The following KCTD16 variants were observed in gnomAD, a reference collection of about 807,000 sequenced individuals.
The protein encoded by KCTD16 is potassium channel tetramerization domain containing 16, also known as BTB/POZ domain-containing protein KCTD16.
KCTD16 carries 13 observed loss-of-function variants against 33.2 expected under a neutral mutation model. The ratio of observed to expected loss-of-function variants is 0.39; its 90% CI spans 0.25 to 0.62. The LOEUF (loss-of-function observed/expected upper bound fraction) is 0.62. Ranked by LOEUF, KCTD16 falls within the 20% of genes least tolerant of loss-of-function variation. The probability of loss-of-function intolerance (pLI) is 0.50; values close to 1 mark genes in which losing one functional copy is unlikely to be tolerated. For synonymous variants in KCTD16, 197 were observed against 195.3 expected (o/e 1.01, Z -0.07); for missense variants, 441 against 525.1 (o/e 0.84, Z 1.57).
intron 3 of KCTD16, among the ~76,000 whole-genome samples, chr5:144,303,493 A>G (rs1038760245): frequency 6.6e-6 from 1 of 152,202 alleles, no homozygotes; most frequent in African/African-American, 2.4e-5. Flanking sequence ...GTGTGGCAAG[A>G]GCAATGGAAA....
At chr5:144,226,748 T>G (rs1753943615) in intron 3 of KCTD16, among the ~76,000 whole-genome samples, 1 of 152,052 alleles carries the variant, frequency 6.6e-6, no homozygotes, top group Non-Finnish European at 1.5e-5. Context: ...AATTTTTGTA[T>G]TTTTAGTTGA....
chr5:144,318,884 G>A (rs1430594998), intron 3 of KCTD16, among the ~76,000 whole-genome samples: 3 of 152,022 alleles, frequency 2.0e-5, no homozygotes, highest in Non-Finnish European at 4.4e-5. Flanking sequence ...TAATTAAACT[G>A]GCATATAAAA....
chr5:144,335,363 G>T (rs1343006933), intron 3 of KCTD16, among the ~76,000 whole-genome samples: 1 of 152,222 alleles, frequency 6.6e-6, no homozygotes, highest in Non-Finnish European at 1.5e-5. Context: ...TAGCCAGGAT[G>T]GGTGGAGGAC....
intron 3 of KCTD16, among the ~76,000 whole-genome samples, chr5:144,238,293 A>G (rs2126819024): frequency 6.6e-6 from 1 of 152,268 alleles, no homozygotes; most frequent in Middle Eastern, 3.4e-3. Context: ...AAAATATTTC[A>G]GATAGGTTTC....
intron 3 of KCTD16, among the ~76,000 whole-genome samples, chr5:144,263,421 A>C (rs1360447272): frequency 2.6e-5 from 4 of 152,204 alleles, no homozygotes; most frequent in African/African-American, 9.7e-5. Context: ...ACCTCTGCTA[A>C]TCTTCCTTTT....
chr5:144,388,247 T>G (rs905407528), intron 3 of KCTD16, among the ~76,000 whole-genome samples: 8 of 150,788 alleles, frequency 5.3e-5, no homozygotes, highest in African/African-American at 1.9e-4. Context: ...GCCCAGCTAT[T>G]TTTTTTTGTA....
chr5:144,216,860 A>T (rs1354758979), intron 3 of KCTD16, among the ~76,000 whole-genome samples: 2 of 151,298 alleles, frequency 1.3e-5, no homozygotes, highest in Non-Finnish European at 3.0e-5. Flanking sequence ...AAAAAAAAAA[A>T]GAAAAAGAGA....
At chr5:144,273,052 G>A (rs1183403960) in intron 3 of KCTD16, among the ~76,000 whole-genome samples, 4 of 152,030 alleles carry the variant, frequency 2.6e-5, no homozygotes, top group African/African-American at 9.7e-5. Flanking sequence ...CAAGATAGGA[G>A]GAACTATTTA....
intron 3 of KCTD16, among the ~76,000 whole-genome samples, chr5:144,263,191 C>A (rs919932984): frequency 2.0e-5 from 3 of 152,180 alleles, no homozygotes; most frequent in African/African-American, 7.2e-5. Context: ...TTTTATAAGA[C>A]AATATTATTC....
chr5:144,261,265 C>T (rs1229910910), intron 3 of KCTD16, among the ~76,000 whole-genome samples: 1 of 149,358 alleles, frequency 6.7e-6, no homozygotes, highest in East Asian at 2.0e-4. Flanking sequence ...AAAGCTGGAA[C>T]TTTAGGAGAA....
intron 3 of KCTD16, among the ~76,000 whole-genome samples, chr5:144,382,548 T>C (rs993779281): frequency 3.9e-5 from 6 of 152,228 alleles, no homozygotes; most frequent in African/African-American, 4.8e-5. Context: ...CAGTATTGAA[T>C]GAATGAATAT....
At chr5:144,362,795 G>A (rs1263843515) in intron 3 of KCTD16, among the ~76,000 whole-genome samples, 1 of 152,230 alleles carries the variant, frequency 6.6e-6, no homozygotes, top group East Asian at 1.9e-4. Context: ...CCTGCCACTG[G>A]CTAGGGGTAT....
chr5:144,289,160 G>A (rs1755828685), intron 3 of KCTD16, among the ~76,000 whole-genome samples: 1 of 152,164 alleles, frequency 6.6e-6, no homozygotes, highest in Non-Finnish European at 1.5e-5. Context: ...AATTAAGGAT[G>A]ATAGTAAATT....
intron 3 of KCTD16, among the ~76,000 whole-genome samples, chr5:144,284,804 G>C (rs1409115633): frequency 6.6e-6 from 1 of 152,096 alleles, no homozygotes; most frequent in Non-Finnish European, 1.5e-5. Context: ...TTAAAGACAA[G>C]AATTTGGAAG....
chr5:144,213,360 C>T (rs1159626806), intron 3 of KCTD16, among the ~76,000 whole-genome samples: 2 of 150,370 alleles, frequency 1.3e-5, no homozygotes, highest in Non-Finnish European at 3.0e-5. Context: ...TCTCTTTTCC[C>T]TTCCCTTCCC....
intron 2 of KCTD16, among the ~76,000 whole-genome samples, chr5:144,198,662 C>T (rs543093250): frequency 2.0e-5 from 3 of 152,310 alleles, no homozygotes; most frequent in African/African-American, 7.2e-5. Flanking sequence ...ATGATGTGAT[C>T]TGTTTTGAAT....
At chr5:144,449,922 G>A (rs1299271404) in intron 3 of KCTD16, among the ~76,000 whole-genome samples, 1 of 151,842 alleles carries the variant, frequency 6.6e-6, no homozygotes, top group Non-Finnish European at 1.5e-5. Context: ...GAAAGCACAG[G>A]CAACAAAAGC....
chr5:144,172,616 T>G (rs1468736804), intron 1 of KCTD16, among the ~76,000 whole-genome samples: 4 of 152,206 alleles, frequency 2.6e-5, no homozygotes, highest in Non-Finnish European at 5.9e-5. Context: ...TCTGCACAAC[T>G]TCAGGTAGAA....
At chr5:144,179,951 A>G (rs1454493722) in intron 2 of KCTD16, among the ~76,000 whole-genome samples, 1 of 152,088 alleles carries the variant, frequency 6.6e-6, no homozygotes, top group Non-Finnish European at 1.5e-5. Flanking sequence ...CTACTCGCCC[A>G]TTTTCCCTGT....
Sources: allele counts gnomAD v4.1 joint callset (sites outside exome capture counted in the v4.1 genomes callset), GRCh38; gene constraint gnomAD v4.1.1; transcripts MANE v1.5; gene names NCBI Gene and HGNC (gene_info 2026-07-23, HGNC 2026-07-21).